Variants in GABBR2 observed in about 807,000 individuals in gnomAD.
The protein encoded by GABBR2 is G-protein coupled receptor 51.
A neutral mutation model predicts 105.6 loss-of-function variants in GABBR2; 23 were observed. The ratio of observed to expected loss-of-function variants is 0.22; its 90% CI spans 0.16 to 0.31. The LOEUF (loss-of-function observed/expected upper bound fraction) is 0.31, where lower values mean the gene tolerates loss of function less well. Ranked by LOEUF, GABBR2 falls within the 10% of genes least tolerant of loss-of-function variation. The pLI, the probability that GABBR2 is intolerant of heterozygous loss-of-function variation, is 1.00. For synonymous variants in GABBR2, 478 were observed against 499.7 expected (o/e 0.96, Z 0.58); for missense variants, 734 against 1,245.5 (o/e 0.59, Z 6.18).
chr9:98,382,024 G>A (rs1053421157), intron 11 of GABBR2, among the ~76,000 whole-genome samples: 5 of 152,180 alleles, frequency 3.3e-5, no homozygotes, highest in African/African-American at 1.2e-4. Flanking sequence ...AACAAGGCGA[G>A]ATGTCAGGAA....
At chr9:98,470,574 G>C (rs978526608) in intron 6 of GABBR2, among the ~76,000 whole-genome samples, 32 of 152,032 alleles carry the variant, frequency 2.1e-4, no homozygotes, top group African/African-American at 7.7e-4. Context: ...GATTTGGGTG[G>C]GGACGCAGAG....
chr9:98,519,710 CTT>C (rs11386577), intron 3 of GABBR2, among the ~76,000 whole-genome samples: 3,344 of 142,478 alleles, frequency 0.023, 101 homozygotes, highest in East Asian at 0.097. Context: ...GAGCCGGCAA[CTT>C]TTTTTTTTTT....
chr9:98,559,364 A>T (rs1197421028), intron 2 of GABBR2, among the ~76,000 whole-genome samples: 1 of 152,212 alleles, frequency 6.6e-6, no homozygotes, highest in Non-Finnish European at 1.5e-5. Context: ...TCCTGGCCTC[A>T]AGTGATCCAT....
intron 13 of GABBR2, among the ~76,000 whole-genome samples, chr9:98,312,765 T>C (rs980151097): frequency 3.9e-5 from 6 of 152,168 alleles, no homozygotes; most frequent in Admixed American, 6.5e-5. Context: ...GTATGTTCCT[T>C]TTTTTTGAGA....
intron 11 of GABBR2, among the ~76,000 whole-genome samples, chr9:98,377,036 C>A (rs1000332055): frequency 5.9e-5 from 9 of 152,246 alleles, no homozygotes; most frequent in African/African-American, 2.2e-4. Flanking sequence ...GCTCCTGCCC[C>A]TGAAGCCAAC....
At chr9:98,647,584 G>A (rs534518884) in intron 1 of GABBR2, among the ~76,000 whole-genome samples, 2 of 152,274 alleles carry the variant, frequency 1.3e-5, no homozygotes, top group African/African-American at 4.8e-5. Flanking sequence ...ACCTGGCCCC[G>A]AGCCTGGCAC....
At chr9:98,421,663 C>T (rs1235550937) in intron 7 of GABBR2, among the ~76,000 whole-genome samples, 1 of 152,032 alleles carries the variant, frequency 6.6e-6, no homozygotes, top group African/African-American at 2.4e-5. Context: ...TTGGAAACCT[C>T]TGGAATAAAG....
chr9:98,371,607 C>T (rs2131462757), intron 11 of GABBR2, 36 bp from the exon 12 acceptor site: 2 of 1,143,690 alleles, frequency 1.7e-6, no homozygotes, highest in Non-Finnish European at 2.7e-6. Context: ...ATTGACCTTC[C>T]TTAGGTAGAC....
At chr9:98,568,257 G>A (rs1828778174) in intron 2 of GABBR2, among the ~76,000 whole-genome samples, 1 of 152,200 alleles carries the variant, frequency 6.6e-6, no homozygotes, top group Admixed American at 6.5e-5. Context: ...CAGGCATGGA[G>A]AGACTAATCA....
At chr9:98,413,354 C>T (rs1035409986) in intron 7 of GABBR2, among the ~76,000 whole-genome samples, 8 of 152,070 alleles carry the variant, frequency 5.3e-5, no homozygotes, top group Admixed American at 3.3e-4. Context: ...GGAGAAGGTG[C>T]CCTCTGTTTC....
intron 13 of GABBR2, among the ~76,000 whole-genome samples, chr9:98,337,947 G>T (rs1831144397): frequency 6.6e-6 from 1 of 152,098 alleles, no homozygotes; most frequent in African/African-American, 2.4e-5. Flanking sequence ...GCTTGAACCT[G>T]GGAGGAGGAG....
intron 13 of GABBR2, among the ~76,000 whole-genome samples, chr9:98,315,793 A>G (rs1181243468): frequency 2.0e-5 from 3 of 152,184 alleles, no homozygotes; most frequent in Non-Finnish European, 4.4e-5. Context: ...ACTACCAACT[A>G]CTATAGATCG....
At chr9:98,598,251 G>A (rs1440753818) in intron 1 of GABBR2, among the ~76,000 whole-genome samples, 1 of 152,184 alleles carries the variant, frequency 6.6e-6, no homozygotes, top group Non-Finnish European at 1.5e-5. Context: ...ACATCTTGGA[G>A]GAGCAGGCTT....
intron 13 of GABBR2, among the ~76,000 whole-genome samples, chr9:98,360,648 C>T (rs749699545): frequency 9.9e-5 from 15 of 152,160 alleles, no homozygotes; most frequent in Non-Finnish European, 1.9e-4. Flanking sequence ...ATGCACAGAG[C>T]CATTGATAGC....
intron 7 of GABBR2, among the ~76,000 whole-genome samples, chr9:98,441,172 C>T (rs1023970616): frequency 3.9e-5 from 6 of 152,184 alleles, no homozygotes; most frequent in Non-Finnish European, 5.9e-5. Flanking sequence ...ATTTGGTTAG[C>T]GGTAGCTTGC....
At position 98,496,458 on chromosome 9, in the gene GABBR2, G is replaced by T. The variant is rs149573430; in HGVS notation, c.687C>A (p.Thr229=). 2 of 1,612,972 alleles carry T rather than the reference G, an allele frequency of 1.2e-6. No individual in the cohort carries two copies. Among genetic ancestry groups the T allele is most frequent in the Non-Finnish European group, 1.7e-6 (2 of 1,179,336 alleles). The change falls in exon 4 of 19, where the codon ACC becomes ACA. Residue 229 remains threonine (T), a synonymous_variant. Transcript: ENST00000259455. ...TACAGGGATCGTTGGAGAAGCTCTC[G>T]GTGTCTGAAATCTCAATGTCCTCGC... ...LYGEDIEISD[T]ESFSNDPCTS...
intron 2 of GABBR2, among the ~76,000 whole-genome samples, chr9:98,562,099 A>T (rs1265951423): frequency 2.0e-5 from 3 of 152,154 alleles, no homozygotes; most frequent in African/African-American, 7.2e-5. Flanking sequence ...ACCTTAACCA[A>T]GTGATCAAAT....
At chr9:98,458,038 G>T (rs560847427) in intron 6 of GABBR2, among the ~76,000 whole-genome samples, 1 of 152,326 alleles carries the variant, frequency 6.6e-6, no homozygotes, top group Admixed American at 6.5e-5. Context: ...AAAGGCATTT[G>T]TTGGAACTTG....
At chr9:98,499,227 G>A (rs1202628959) in intron 3 of GABBR2, among the ~76,000 whole-genome samples, 1 of 152,226 alleles carries the variant, frequency 6.6e-6, no homozygotes, top group African/African-American at 2.4e-5. Flanking sequence ...GTGTATTAAT[G>A]TGTGTATGAA....
Sources: gnomAD v4.1 joint callset for allele counts (sites outside exome capture counted in the v4.1 genomes callset) on GRCh38, gnomAD v4.1.1 for gene constraint, MANE v1.5 for transcripts, NCBI Gene and HGNC (gene_info 2026-07-23, HGNC 2026-07-21) for gene names.